The following ARID5B variants were observed in gnomAD, a reference collection of about 807,000 sequenced individuals.
The protein encoded by ARID5B is AT-rich interactive domain-containing protein 5B.
Under a neutral mutation model 97.2 loss-of-function variants are expected in ARID5B, and 13 were observed. The ratio of observed to expected loss-of-function variants is 0.13; its 90% CI spans 0.09 to 0.21. The LOEUF is 0.21. Among genes scored for constraint, ARID5B ranks in the 10% least tolerant of loss-of-function variants. The pLI is 1.00. For synonymous variants in ARID5B, 556 were observed against 570.3 expected (o/e 0.97, Z 0.36); for missense variants, 1,210 against 1,465.3 (o/e 0.83, Z 2.84).
At chr10:62,065,255 G>GT (rs1839971442) in intron 7 of ARID5B, among the ~76,000 whole-genome samples, 2 of 152,172 alleles carry the variant, frequency 1.3e-5, no homozygotes, top group African/African-American at 4.8e-5. Flanking sequence ...TTTTACCTGG[G>GT]TGTAGTCTGC....
chr10:62,004,914 T>C (rs1839127098), intron 4 of ARID5B, among the ~76,000 whole-genome samples: 1 of 152,216 alleles, frequency 6.6e-6, no homozygotes, highest in Non-Finnish European at 1.5e-5. Context: ...TATATATAAA[T>C]GAGATGAAAT....
chr10:61,998,758 AG>A (rs1839036319), intron 3 of ARID5B, among the ~76,000 whole-genome samples: 1 of 152,158 alleles, frequency 6.6e-6, no homozygotes, highest in East Asian at 1.9e-4. Flanking sequence ...GATGGATTTG[AG>A]GAACGTTAAA....
At chr10:62,050,124 C>T (rs1205618045) in intron 4 of ARID5B, among the ~76,000 whole-genome samples, 1 of 152,066 alleles carries the variant, frequency 6.6e-6, no homozygotes, top group Admixed American at 6.5e-5. Context: ...TGAAATAGAA[C>T]TTTGATTTGT....
chr10:62,024,210 T>C (rs561711556), intron 4 of ARID5B, among the ~76,000 whole-genome samples: 1 of 152,324 alleles, frequency 6.6e-6, no homozygotes, highest in African/African-American at 2.4e-5. Context: ...TCGACATGAC[T>C]CATCTGCCCT....
chr10:62,004,132 G>A (rs867053934), intron 4 of ARID5B, among the ~76,000 whole-genome samples: 2 of 152,130 alleles, frequency 1.3e-5, no homozygotes, highest in Admixed American at 6.5e-5. Context: ...CTCCTTACTT[G>A]GGAAAGGTTA....
rs192859974 is a variant in ARID5B at position 62,087,933 on chromosome 10, C to T, written c.1398+2033C>T. Among the ~76,000 whole-genome samples the T allele has an allele frequency of 1.9e-4, 29 of 151,126 alleles. No homozygotes were observed. In the East Asian group the frequency reaches 4.5e-3, roughly 23 times the overall value. On this transcript the variant is annotated intron_variant, in intron 9 of 9. Coordinates refer to ENST00000279873, the MANE Select transcript of ARID5B (RefSeq NM_032199.3). ...AGGCTAGAGTGCAGTGGTGCAATCT[C>T]GGTTCATTGCAACCTCCGCCTCCCA...
At chr10:61,995,350 T>C (rs1457122341) in intron 3 of ARID5B, among the ~76,000 whole-genome samples, 65 of 152,344 alleles carry the variant, frequency 4.3e-4, no homozygotes, top group Admixed American at 4.1e-3. Context: ...TTTACTTATG[T>C]GTATATGAAA....
chr10:61,958,499 T>A (rs1838424283), intron 3 of ARID5B, among the ~76,000 whole-genome samples: 2 of 152,208 alleles, frequency 1.3e-5, no homozygotes. Context: ...GTGCTGGGAT[T>A]AGAGGTGTGA....
intron 7 of ARID5B, among the ~76,000 whole-genome samples, chr10:62,064,914 C>G: frequency 6.6e-6 from 1 of 152,104 alleles, no homozygotes; most frequent in East Asian, 1.9e-4. Context: ...GCTGGGATTA[C>G]AGGCACCCAC....
rs71507200 is a variant in ARID5B at position 61,989,660 on chromosome 10, A to G, written c.503-10431A>G. Among the ~76,000 whole-genome samples the G allele has an allele frequency of 3.4e-3, 512 of 152,346 alleles. 1 individual carries two copies. Among genetic ancestry groups the G allele is most frequent in the Non-Finnish European group, 5.7e-3 (391 of 68,030 alleles). On this transcript the variant is annotated intron_variant, in intron 3 of 9. Coordinates refer to ENST00000279873, the MANE Select transcript of ARID5B (RefSeq NM_032199.3). The stretch of plus-strand genomic sequence containing the variant: ...TTTTATGCATAGGTTTATGCAGTTT[A>G]TGTCAAAAAATCTGGTAGCCTTGCC...
At position 62,093,537 on chromosome 10, in the gene ARID5B, A is replaced by G. The variant is rs1350152799; in HGVS notation, c.*507A>G. ...TTTGACACTATTAAACAATCCAGAG[A>G]AGTAAACACTGTTAAATTGACTGTA... On this transcript the variant is annotated 3_prime_UTR_variant, in exon 10 of 10. Coordinates refer to ENST00000279873, the MANE Select transcript of ARID5B (RefSeq NM_032199.3). The G allele has an allele frequency of 8.5e-6, 2 of 234,934 alleles. No individual in the cohort carries two copies. The highest frequency in any genetic ancestry group is 4.4e-5 in the African/African-American group (2 of 45,362). 14.6% of individuals were successfully genotyped at this position (234,934 alleles called of 1,614,324 possible). A position where few individuals can be genotyped will look rare whatever the true frequency, so the allele number is the denominator to read the frequency against.
chr10:61,922,527 C>T (rs565014745), intron 2 of ARID5B, among the ~76,000 whole-genome samples: 2 of 152,270 alleles, frequency 1.3e-5, no homozygotes, highest in Non-Finnish European at 2.9e-5. Context: ...CGCTTGAACC[C>T]GGGAGGTGGA....
intron 2 of ARID5B, among the ~76,000 whole-genome samples, chr10:61,918,218 T>C (rs563095609): frequency 1.3e-5 from 2 of 152,230 alleles, no homozygotes; most frequent in Non-Finnish European, 2.9e-5. Flanking sequence ...AGTTAAAATA[T>C]AAACCCTTAG....
intron 2 of ARID5B, among the ~76,000 whole-genome samples, 177 bp downstream of exon 2, chr10:61,902,590 T>C (rs970680022): frequency 7.9e-5 from 12 of 152,196 alleles, no homozygotes; most frequent in Non-Finnish European, 8.8e-5. Flanking sequence ...TGTCAGAGTT[T>C]GGCTGTCAGC....
chr10:62,082,957 C>T (rs963953238), intron 8 of ARID5B, among the ~76,000 whole-genome samples: 1 of 151,976 alleles, frequency 6.6e-6, no homozygotes, highest in Non-Finnish European at 1.5e-5. Context: ...TTCTGCCTTG[C>T]TTGTTTTATT....
Position 62,095,347 on chromosome 10 carries a change from T to A in ARID5B, c.*2317T>A. 8.6e-6 allele frequency: 2 copies of A among 233,198 alleles called. No homozygotes were observed. Among genetic ancestry groups the A allele is most frequent in the East Asian group, 1.2e-4 (2 of 16,524 alleles). The allele number at this position is 233,198 out of a possible 1,614,324, so 14.4% of individuals were successfully genotyped here. On this transcript the variant is annotated 3_prime_UTR_variant, in exon 10 of 10. Transcript: ENST00000279873. ...TGCAGCAGACATGGGCTAGGTCATATGTGGTTTCTATGAGTTCGTGTCTCA... is the reference window on the plus strand; with the variant it reads ...TGCAGCAGACATGGGCTAGGTCATAAGTGGTTTCTATGAGTTCGTGTCTCA...
In ARID5B at chr10:62,024,084, T is replaced by C. The variant is rs549614598; in HGVS notation, c.733+23763T>C. 6.5e-4 allele frequency among the ~76,000 whole-genome samples: 99 copies of C among 152,334 alleles called. 1 individual carries two copies. The highest frequency in any genetic ancestry group is 9.7e-4 in the East Asian group (5 of 5,180). On this transcript the variant is annotated intron_variant, in intron 4 of 9. Coordinates refer to ENST00000279873, the MANE Select transcript of ARID5B (RefSeq NM_032199.3). ...CAGCACAGAGTGCCTTATTCATCCA[T>C]CCATCTGTACTTCTTTCTGTCAAGG...
At chr10:62,049,553 CT>C (rs1327692581) in intron 4 of ARID5B, 3 of 1,546,618 alleles carry the variant, frequency 1.9e-6, no homozygotes, top group Non-Finnish European at 2.6e-6. Flanking sequence ...TCCAGGCTGG[CT>C]TTCTGGGATG....
chr10:61,903,054 A>G (rs1263854053), intron 2 of ARID5B, among the ~76,000 whole-genome samples: 1 of 152,176 alleles, frequency 6.6e-6, no homozygotes, highest in Non-Finnish European at 1.5e-5. Context: ...CACGTTAAGC[A>G]TTAACAACTA....
Sources: allele counts gnomAD v4.1 joint callset (sites outside exome capture counted in the v4.1 genomes callset), GRCh38; gene constraint gnomAD v4.1.1; transcripts MANE v1.5; gene names NCBI Gene and HGNC (gene_info 2026-07-23, HGNC 2026-07-21).